Variants in TEAD1 observed in about 807,000 individuals in gnomAD.
TEAD1 encodes transcriptional enhancer factor TEF-1.
Under a neutral mutation model 54.9 loss-of-function variants are expected in TEAD1, and 9 were observed. That is an observed-to-expected ratio of 0.16 (90% CI 0.10 to 0.29). The LOEUF (loss-of-function observed/expected upper bound fraction) is 0.29. Ranked by LOEUF, TEAD1 falls within the 10% of genes least tolerant of loss-of-function variation. The probability of loss-of-function intolerance (pLI) is 1.00; values close to 1 mark genes in which losing one functional copy is unlikely to be tolerated. For synonymous variants in TEAD1, 200 were observed against 187.8 expected, an observed-to-expected ratio of 1.07 and a Z score of -0.53; for missense variants, 387 against 535.9, an observed-to-expected ratio of 0.72 and a Z score of 2.74.
At chr11:12,931,496 G>T (rs1949009957) in intron 12 of TEAD1, among the ~76,000 whole-genome samples, 1 of 152,194 alleles carries the variant, frequency 6.6e-6, no homozygotes, top group Admixed American at 6.5e-5. Context: ...AATCCATACA[G>T]CAGGAATTCT....
chr11:12,745,073 T>TG (rs1265169208), intron 2 of TEAD1, among the ~76,000 whole-genome samples: 5 of 152,318 alleles, frequency 3.3e-5, no homozygotes, highest in African/African-American at 1.2e-4. Flanking sequence ...TGCAGAGACA[T>TG]GAACAGCTCC....
chr11:12,759,011 G>A (rs1945047888), intron 2 of TEAD1, among the ~76,000 whole-genome samples: 1 of 152,094 alleles, frequency 6.6e-6, no homozygotes, highest in Non-Finnish European at 1.5e-5. Flanking sequence ...TGACCTCATA[G>A]AATATTGAGA....
chr11:12,796,928 G>A (rs1444042880), intron 3 of TEAD1, among the ~76,000 whole-genome samples: 3 of 151,932 alleles, frequency 2.0e-5, no homozygotes, highest in African/African-American at 7.3e-5. Context: ...TGGCTAACAC[G>A]GTGAAACCCC....
In TEAD1 at chr11:12,937,339, C is replaced by G. The variant is rs1949119629; in HGVS notation, c.*117C>G. 2 of 880,500 alleles carry G rather than the reference C, an allele frequency of 2.3e-6. No homozygotes were observed. Among genetic ancestry groups the G allele is most frequent in the African/African-American group, 3.4e-5 (2 of 59,254 alleles). 54.5% of individuals were successfully genotyped at this position (880,500 alleles called of 1,614,324 possible). A position where few individuals can be genotyped will look rare whatever the true frequency, so the allele number is the denominator to read the frequency against. On this transcript the variant is annotated 3_prime_UTR_variant, in exon 13 of 13. Transcript: ENST00000527636. ...AAACCTCACCACACAGGGTGGTGCC[C>G]TGGCCCCGAGGTCACCCCGACTTTT... is the stretch of plus-strand genomic sequence containing the variant.
At chr11:12,697,218 A>C (rs561555085) in intron 2 of TEAD1, among the ~76,000 whole-genome samples, 16 of 146,586 alleles carry the variant, frequency 1.1e-4, no homozygotes, top group Admixed American at 7.4e-4. Context: ...GGCCTTTGGC[A>C]AGTGCTTCCC....
At chr11:12,742,722 A>G (rs562861158) in intron 2 of TEAD1, among the ~76,000 whole-genome samples, 39 of 152,354 alleles carry the variant, frequency 2.6e-4, no homozygotes, top group African/African-American at 8.4e-4. Context: ...TCATTCAAAA[A>G]TAAAACTTTA....
intron 2 of TEAD1, among the ~76,000 whole-genome samples, chr11:12,745,747 TAA>T (rs550940630): frequency 6.8e-6 from 1 of 147,558 alleles, no homozygotes; most frequent in African/African-American, 2.5e-5. Context: ...AATTAATTGT[TAA>T]AAAAAAAAAC....
intron 2 of TEAD1, among the ~76,000 whole-genome samples, chr11:12,690,434 G>A (rs1350017744): frequency 2.6e-5 from 4 of 152,148 alleles, no homozygotes; most frequent in East Asian, 1.9e-4. Context: ...CACCTTTCTT[G>A]TAATTGATTT....
chr11:12,718,525 T>C (rs542055165), intron 2 of TEAD1, among the ~76,000 whole-genome samples: 1 of 152,336 alleles, frequency 6.6e-6, no homozygotes, highest in Admixed American at 6.5e-5. Context: ...GCAAGGGTTT[T>C]GAAACAATAT....
chr11:12,858,447 GA>G (rs1201166144), intron 3 of TEAD1, among the ~76,000 whole-genome samples: 28 of 152,290 alleles, frequency 1.8e-4, no homozygotes, highest in African/African-American at 6.3e-4. Context: ...AATGTACAAT[GA>G]AGTAGCTCAT....
intron 10 of TEAD1, among the ~76,000 whole-genome samples, chr11:12,906,861 C>T (rs1948530743): frequency 6.6e-6 from 1 of 152,096 alleles, no homozygotes; most frequent in Non-Finnish European, 1.5e-5. Flanking sequence ...ATTAGTGTCC[C>T]ATCCAATGTA....
At chr11:12,694,308 G>A (rs1843948797) in intron 2 of TEAD1, among the ~76,000 whole-genome samples, 1 of 152,074 alleles carries the variant, frequency 6.6e-6, no homozygotes, top group African/African-American at 2.4e-5. Flanking sequence ...AGAGGGGAGA[G>A]AGACGAGAGA....
chr11:12,898,058 C>T (rs1253608363), intron 9 of TEAD1, among the ~76,000 whole-genome samples: 2 of 152,162 alleles, frequency 1.3e-5, no homozygotes, highest in East Asian at 1.9e-4. Flanking sequence ...CCTCCAGCAG[C>T]GTCATGAGGC....
At position 12,740,836 on chromosome 11, in the gene TEAD1, G is replaced by A. The variant is rs867637327; in HGVS notation, c.-54-23343G>A. Among the ~76,000 whole-genome samples the A allele has an allele frequency of 7.2e-5, 11 of 152,262 alleles. No homozygotes were observed. In the South Asian group the frequency reaches 2.3e-3, roughly 32 times the overall value. ...GTGGGGACGCAGCCAAACCATATCA[G>A]TTGGCGGTTGCCTCGGTGGATCCTG... On this transcript the variant is annotated intron_variant, in intron 2 of 12. Transcript: ENST00000527636.
intron 3 of TEAD1, among the ~76,000 whole-genome samples, chr11:12,835,735 A>G (rs1441754577): frequency 6.6e-6 from 1 of 152,228 alleles, no homozygotes; most frequent in Non-Finnish European, 1.5e-5. Context: ...GAGAAATAGA[A>G]GAAGAGAACT....
intron 3 of TEAD1, among the ~76,000 whole-genome samples, chr11:12,782,744 A>G (rs552311157): frequency 5.9e-5 from 9 of 152,356 alleles, no homozygotes; most frequent in African/African-American, 2.2e-4. Flanking sequence ...CTTCATGTGC[A>G]GAGCACGTTT....
intron 2 of TEAD1, among the ~76,000 whole-genome samples, chr11:12,690,894 A>C (rs1404425970): frequency 6.6e-6 from 1 of 152,022 alleles, no homozygotes; most frequent in East Asian, 1.9e-4. Context: ...AATAGCTGGG[A>C]CTGTCAGTGC....
chr11:12,698,825 G>T (rs1180204760), intron 2 of TEAD1, among the ~76,000 whole-genome samples: 2 of 152,202 alleles, frequency 1.3e-5, no homozygotes, highest in Non-Finnish European at 2.9e-5. Context: ...ATTGCTATAA[G>T]ATGCTTCAGG....
intron 2 of TEAD1, among the ~76,000 whole-genome samples, chr11:12,680,326 T>A (rs1943190588): frequency 6.6e-6 from 1 of 152,250 alleles, no homozygotes; most frequent in Non-Finnish European, 1.5e-5. Context: ...ACAACTTAGA[T>A]GGGCCTTCCG....
Sources: allele counts gnomAD v4.1 joint callset (sites outside exome capture counted in the v4.1 genomes callset), GRCh38; gene constraint gnomAD v4.1.1; transcripts MANE v1.5; gene names NCBI Gene and HGNC (gene_info 2026-07-23, HGNC 2026-07-21).